C13orf42: variants seen among roughly 807,000 people sequenced by gnomAD.
C13orf42 encodes the protein chromosome 13 open reading frame 42, also known as uncharacterized protein C13orf42.
At chr13:51,110,567 CT>C (rs568870085) in intron 1 of C13orf42, among the ~76,000 whole-genome samples, 63 of 152,322 alleles carry the variant, frequency 4.1e-4, no homozygotes, top group African/African-American at 1.3e-3. Flanking sequence ...ATGTGTACCC[CT>C]GAACCTAAAA....
intron 1 of C13orf42, among the ~76,000 whole-genome samples, chr13:51,153,630 C>CTTTTTTTTT (rs1206289963): frequency 9.2e-4 from 75 of 81,246 alleles, no homozygotes; most frequent in Non-Finnish European, 1.4e-3. Flanking sequence ...TGTTTTTTTT[C>CTTTTTTTTT]TTTTTTTTTT....
intron 1 of C13orf42, among the ~76,000 whole-genome samples, chr13:51,127,128 C>T (rs990922885): frequency 1.3e-5 from 2 of 152,128 alleles, no homozygotes; most frequent in African/African-American, 4.8e-5. Flanking sequence ...GATCACACCA[C>T]TGCACTCCAG....
At chr13:51,114,600 C>A (rs964585555), upstream of C13orf42, among the ~76,000 whole-genome samples, 1 of 150,908 alleles carries the variant, frequency 6.6e-6, no homozygotes, top group Admixed American at 6.6e-5. Context: ...AAATAATATT[C>A]TACTACAGAT....
intron 1 of C13orf42, among the ~76,000 whole-genome samples, chr13:51,101,289 G>A (rs1016343712): frequency 6.6e-6 from 1 of 152,160 alleles, no homozygotes; most frequent in African/African-American, 2.4e-5. Flanking sequence ...ATTATACAGT[G>A]AGTACCTCTA....
chr13:51,127,007 G>C (rs1040358606), intron 1 of C13orf42, among the ~76,000 whole-genome samples: 3 of 151,884 alleles, frequency 2.0e-5, no homozygotes, highest in African/African-American at 7.3e-5. Flanking sequence ...CTACAGAAAA[G>C]AAATACAAAA....
intron 1 of C13orf42, among the ~76,000 whole-genome samples, chr13:51,155,163 T>C (rs1358125923): frequency 1.3e-5 from 2 of 152,216 alleles, no homozygotes; most frequent in Non-Finnish European, 2.9e-5. Flanking sequence ...ATTATGTTGT[T>C]ATTAAAATAA....
At position 51,140,914 on chromosome 13, in the gene C13orf42, C is replaced by T. The variant is rs528489635; in HGVS notation, n.137-27692G>A. 1.8e-4 allele frequency among the ~76,000 whole-genome samples: 28 copies of T among 152,120 alleles called. 1 individual carries two copies. The South Asian group carries it at 5.0e-3, about 27-fold the overall frequency. ...CTCAAGTTAGCATTAACAACCAGCT[C>T]GTGTTCATTTCTGCTTACACTTAGA... On this transcript the variant is annotated intron_variant and non_coding_transcript_variant, in intron 1 of 4. Transcript: ENST00000433280.
intron 1 of C13orf42, among the ~76,000 whole-genome samples, chr13:51,157,172 G>A (rs7985224): frequency 0.02 from 2,975 of 152,248 alleles, 96 homozygotes; most frequent in African/African-American, 0.065. Flanking sequence ...GGTGGCTGCC[G>A]CCTGTAATCC....
At position 51,148,659 on chromosome 13, in the gene C13orf42, C is replaced by T. The variant is rs575480158; in HGVS notation, n.136+23594G>A. ...CCTTTCCCTCCACCACATGGTGGGG[C>T]TTCTGGCTTATGGACAGGAACCCAC... On this transcript the variant is annotated intron_variant and non_coding_transcript_variant, in intron 1 of 4. Coordinates refer to the C13orf42 transcript ENST00000433280. 2.6e-5 allele frequency among the ~76,000 whole-genome samples: 4 copies of T among 152,344 alleles called. No individual in the cohort carries two copies. In the East Asian group the frequency reaches 7.7e-4, roughly 29 times the overall value.
At chr13:51,089,577 C>A (rs981025232) in intron 1 of C13orf42, among the ~76,000 whole-genome samples, 1 of 152,074 alleles carries the variant, frequency 6.6e-6, no homozygotes, top group East Asian at 1.9e-4. Flanking sequence ...TCTCCCTTCA[C>A]CTTCCACCAT....
intron 1 of C13orf42, among the ~76,000 whole-genome samples, chr13:51,128,178 A>G (rs1953590102): frequency 6.6e-6 from 1 of 152,234 alleles, no homozygotes; most frequent in African/African-American, 2.4e-5. Context: ...ATAACCATAA[A>G]AATGGGCAAC....
At chr13:51,137,897 T>G (rs532845397) in intron 1 of C13orf42, among the ~76,000 whole-genome samples, 6 of 152,332 alleles carry the variant, frequency 3.9e-5, no homozygotes, top group Non-Finnish European at 8.8e-5. Context: ...TGAAACTGGC[T>G]TCTGTTACTT....
upstream of C13orf42, among the ~76,000 whole-genome samples, chr13:51,114,695 C>T (rs1046049265): frequency 6.7e-6 from 1 of 149,542 alleles, no homozygotes; most frequent in Non-Finnish European, 1.5e-5. Context: ...GACAGACAGA[C>T]AGCTTCTTGA....
rs185638172 is a variant in C13orf42, at chr13:51,148,701, C to T, written n.136+23552G>A. Among the ~76,000 whole-genome samples, 5 of 152,328 alleles carry T rather than the reference C, an allele frequency of 3.3e-5. No individual in the cohort carries two copies. In the East Asian group the frequency reaches 5.8e-4, roughly 18 times the overall value. ...GGAACCCACTCCCACTGGGCAGCGA[C>T]GTGCCTTAGGAAAAGGAAGAACAAA... On this transcript the variant is annotated intron_variant and non_coding_transcript_variant, in intron 1 of 4. Coordinates refer to the C13orf42 transcript ENST00000433280.
chr13:51,146,705 T>C (rs1165646448), intron 1 of C13orf42, among the ~76,000 whole-genome samples: 1 of 152,254 alleles, frequency 6.6e-6, no homozygotes, highest in Non-Finnish European at 1.5e-5. Context: ...TTTCAGTTTC[T>C]GATTAGCTCT....
intron 1 of C13orf42, among the ~76,000 whole-genome samples, chr13:51,093,126 G>A (rs150573024): frequency 1.4e-4 from 22 of 152,228 alleles, no homozygotes; most frequent in African/African-American, 5.1e-4. Context: ...TGTGCAAGTT[G>A]GTTTGTTCAA....
chr13:51,131,807 AATT>A (rs1227557469), intron 1 of C13orf42, among the ~76,000 whole-genome samples: 2 of 152,226 alleles, frequency 1.3e-5, no homozygotes, highest in Non-Finnish European at 2.9e-5. Context: ...GAGAGAGAAA[AATT>A]ATGTTTCAAG....
At chr13:51,171,965 C>T (rs1234397778) in intron 1 of C13orf42, 1 of 152,196 alleles carries the variant, frequency 6.6e-6, no homozygotes, top group Non-Finnish European at 1.5e-5. Context: ...TCAAACCCCA[C>T]AACAGGATTT....
At chr13:51,125,666 C>A (rs980730732) in intron 1 of C13orf42, among the ~76,000 whole-genome samples, 3 of 152,014 alleles carry the variant, frequency 2.0e-5, no homozygotes, top group Admixed American at 2.0e-4. Context: ...GCTCCACCCC[C>A]CAGTGTCTAC....
Sources: gnomAD v4.1 joint callset for allele counts (sites outside exome capture counted in the v4.1 genomes callset) on GRCh38, gnomAD v4.1.1 for gene constraint, MANE v1.5 for transcripts, NCBI Gene and HGNC (gene_info 2026-07-23, HGNC 2026-07-21) for gene names.